Variants in RPS6KA2 observed in about 807,000 individuals in gnomAD.
The protein encoded by RPS6KA2 is ribosomal protein S6 kinase A2.
In RPS6KA2, 42 loss-of-function variants were observed where a neutral mutation model predicts 91.8. The observed-to-expected ratio is 0.46, with a 90% CI of 0.36 to 0.59. The LOEUF is 0.59. RPS6KA2 is among the 20% of genes least tolerant of loss of function. The probability of loss-of-function intolerance (pLI) is 0.00; values close to 1 mark genes in which losing one functional copy is unlikely to be tolerated. For missense variants in RPS6KA2, 798 were observed against 978.5 expected, an observed-to-expected ratio of 0.82 and a Z score of 2.46; for synonymous variants, 414 against 393.6, an observed-to-expected ratio of 1.05 and a Z score of -0.61.
intron 8 of RPS6KA2, among the ~76,000 whole-genome samples, chr6:166,491,394 C>G (rs1229655953): frequency 6.6e-6 from 1 of 152,188 alleles, no homozygotes. Flanking sequence ...CCAACTCCCC[C>G]GGGCACATGC....
chr6:166,597,594 C>A (rs1785582603), intron 1 of RPS6KA2, among the ~76,000 whole-genome samples: 2 of 152,172 alleles, frequency 1.3e-5, no homozygotes, highest in South Asian at 4.1e-4. Flanking sequence ...AAAACGTAAG[C>A]CATTTTGGAA....
chr6:166,412,930 C>T lies in RPS6KA2; in HGVS notation c.2077-43G>A, dbSNP rs772469830. On this transcript the variant is annotated intron_variant, in intron 20 of 20. Coordinates refer to ENST00000265678, the MANE Select transcript of RPS6KA2 (RefSeq NM_021135.6). The surrounding 1 kb of genome is among the most constrained non-coding windows in gnomAD (Gnocchi z 4.3). ...AGGGTGAGAGCCGCGGCGCCTCACT[C>T]CAGGGGTTGAGCCGGAGCCCGGGGC... The T allele has an allele frequency of 8.6e-6, 13 of 1,520,032 alleles. No individual in the cohort carries two copies. Among genetic ancestry groups the T allele is most frequent in the South Asian group, 2.4e-5 (2 of 81,706 alleles). The allele number at this position is 1,520,032 out of a possible 1,614,324, so 94.2% of individuals were successfully genotyped here.
chr6:166,517,176 AAAAACAAAAC>A (rs1227628267), intron 3 of RPS6KA2, among the ~76,000 whole-genome samples: 1 of 152,206 alleles, frequency 6.6e-6, no homozygotes, highest in Non-Finnish European at 1.5e-5. Flanking sequence ...GAATTACTTA[AAAAACAAAAC>A]AAAACAAAAC....
rs949101699 is a variant in RPS6KA2 at position 166,678,660 on chromosome 6, T to C, written c.124-139876A>G. Among the ~76,000 whole-genome samples, 9 of 152,334 alleles carry C rather than the reference T, an allele frequency of 5.9e-5. No individual in the cohort carries two copies. The South Asian group carries it at 1.0e-3, about 18-fold the overall frequency. ...CGTCACCCTCAGAGTTACAGATGACTGTGACTCACGCCTGGAGAAGCAGCA... is the reference window on the plus strand; with the variant it reads ...CGTCACCCTCAGAGTTACAGATGACCGTGACTCACGCCTGGAGAAGCAGCA... On this transcript the variant is annotated intron_variant, in intron 2 of 21. Transcript: ENST00000503859.
In RPS6KA2 at chr6:166,662,292, C is replaced by T. The variant is rs547623460; in HGVS notation, c.124-123508G>A. 1.1e-4 allele frequency among the ~76,000 whole-genome samples: 16 copies of T among 152,152 alleles called. No homozygotes were observed. Among genetic ancestry groups the T allele is most frequent in the East Asian group, 5.8e-4 (3 of 5,186 alleles). On this transcript the variant is annotated intron_variant, in intron 2 of 21. Transcript: ENST00000503859. This position sits in a 1 kb window ranked among gnomAD's most constrained non-coding sequence, Gnocchi z 4.3. ...CCATTGTAAGATTTGGCTGCTATTA[C>T]GGGGTGACAGTCTTTTCAGTAAGGT...
intron 2 of RPS6KA2, among the ~76,000 whole-genome samples, chr6:166,771,232 A>G (rs137961072): frequency 0.01 from 1,580 of 152,330 alleles, 22 homozygotes; most frequent in African/African-American, 0.036. Flanking sequence ...CCATATGCAC[A>G]GCATTTATCT....
chr6:166,628,062 G>C (rs1284691443), upstream of RPS6KA2: 1 of 152,208 alleles, frequency 6.6e-6, no homozygotes, highest in Non-Finnish European at 1.5e-5. Flanking sequence ...CTCCGCAGCC[G>C]GTCCCGCTCT....
In RPS6KA2 at chr6:166,723,908, C is replaced by T. The variant is rs574933374; in HGVS notation, c.123+134292G>A. Reference sequence around the variant, plus strand: ...AGAGATGGGGTTTCTCCATGTTGGCCAGGCTGGCCTCGAACTCCTGACCTC... The same window carrying T: ...AGAGATGGGGTTTCTCCATGTTGGCTAGGCTGGCCTCGAACTCCTGACCTC... On this transcript the variant is annotated intron_variant, in intron 2 of 21. Transcript: ENST00000503859. Among the ~76,000 whole-genome samples, 125 of 152,216 alleles carry T rather than the reference C, an allele frequency of 8.2e-4. 1 individual carries two copies. Among genetic ancestry groups the T allele is most frequent in the African/African-American group, 2.8e-3 (118 of 41,510 alleles).
Position 166,459,370 on chromosome 6 carries a change from A to T in RPS6KA2, c.1075+79T>A. On this transcript the variant is annotated intron_variant, in intron 12 of 20. Transcript: ENST00000265678. The surrounding 1 kb of genome is among the most constrained non-coding windows in gnomAD (Gnocchi z 4.9). ...ATGAAAAGAATTCTGAGGCATGGGAATTTCTTGTTCCTAGATATCTGTCTC... is the reference window on the plus strand; with the variant it reads ...ATGAAAAGAATTCTGAGGCATGGGATTTTCTTGTTCCTAGATATCTGTCTC... The T allele has an allele frequency of 1.2e-6, 1 of 836,616 alleles. No individual in the cohort carries two copies. Among genetic ancestry groups the T allele is most frequent in the Non-Finnish European group, 1.9e-6 (1 of 515,136 alleles). 51.8% of individuals were successfully genotyped at this position (836,616 alleles called of 1,614,324 possible). A position where few individuals can be genotyped will look rare whatever the true frequency, so the allele number is the denominator to read the frequency against.
In RPS6KA2 at chr6:166,445,055, C is replaced by CA. The variant is rs1779634922; in HGVS notation, c.1332+3668dup. On this transcript the variant is annotated intron_variant, in intron 14 of 20. Coordinates refer to ENST00000265678, the MANE Select transcript of RPS6KA2 (RefSeq NM_021135.6). This position sits in a 1 kb window ranked among gnomAD's most constrained non-coding sequence, Gnocchi z 4.5. ...TTATGGTGGCAAAATTAGAAACCTGCAAAAATGCAGAAATAACTTAAAGCA... is the reference window on the plus strand; with the variant it reads ...TTATGGTGGCAAAATTAGAAACCTGCAAAAAATGCAGAAATAACTTAAAGCA... Among the ~76,000 whole-genome samples, 1 of 152,210 alleles carries CA rather than the reference C, an allele frequency of 6.6e-6. No individual in the cohort carries two copies. Among genetic ancestry groups the CA allele is most frequent in the East Asian group, 1.9e-4 (1 of 5,180 alleles).
intron 2 of RPS6KA2, among the ~76,000 whole-genome samples, chr6:166,694,537 C>T (rs960247579): frequency 3.3e-5 from 5 of 152,208 alleles, no homozygotes; most frequent in South Asian, 2.1e-4. Flanking sequence ...CAGAAGAGTT[C>T]GTCTAACACT....
At chr6:166,757,430 C>G (rs1778046368) in intron 2 of RPS6KA2, 5 of 442,664 alleles carry the variant, frequency 1.1e-5, no homozygotes, top group South Asian at 8.0e-5. Flanking sequence ...CAGCTTGCCC[C>G]TGGCCGCCCA....
intron 2 of RPS6KA2, among the ~76,000 whole-genome samples, chr6:166,780,662 A>T (rs976530258): frequency 2.6e-5 from 4 of 152,268 alleles, no homozygotes; most frequent in Non-Finnish European, 2.9e-5. Context: ...GAGGGGTCAG[A>T]CTTGAAATAT....
rs1194289908 is a variant in RPS6KA2, at chr6:166,448,057, A to C, written c.1332+667T>G. Among the ~76,000 whole-genome samples, 2 of 152,242 alleles carry C rather than the reference A, an allele frequency of 1.3e-5. No homozygotes were observed. The highest frequency in any genetic ancestry group is 4.8e-5 in the African/African-American group (2 of 41,462). ...AGAAACTGGTATTCTGGATTCCCAG[A>C]TCAAATATTTAAGCAGCAACAATTA... On this transcript the variant is annotated intron_variant, in intron 14 of 20. Coordinates refer to ENST00000265678, the MANE Select transcript of RPS6KA2 (RefSeq NM_021135.6). The surrounding 1 kb of genome is among the most constrained non-coding windows in gnomAD (Gnocchi z 4.7).
intron 2 of RPS6KA2, among the ~76,000 whole-genome samples, chr6:166,828,870 A>G (rs1169456270): frequency 6.6e-6 from 1 of 151,838 alleles, no homozygotes; most frequent in Non-Finnish European, 1.5e-5. Flanking sequence ...AAAAGACACA[A>G]TTAACAAGAT....
chr6:166,672,614 A>G (rs1190823413), intron 2 of RPS6KA2, among the ~76,000 whole-genome samples: 1 of 152,232 alleles, frequency 6.6e-6, no homozygotes, highest in African/African-American at 2.4e-5. Context: ...ATAGTAAGAA[A>G]AAAATGCTTA....
chr6:166,757,634 A>G (rs1018927599), intron 2 of RPS6KA2: 2 of 453,888 alleles, frequency 4.4e-6, no homozygotes, highest in Middle Eastern at 7.1e-4. Context: ...CCATTCTGCC[A>G]GGGCAGCCGC....
chr6:166,480,895 A>G (rs984465744), intron 10 of RPS6KA2, among the ~76,000 whole-genome samples: 8 of 152,162 alleles, frequency 5.3e-5, no homozygotes, highest in African/African-American at 1.9e-4. Context: ...GCTGATCCAC[A>G]CGCCTCGGCT....
chr6:166,642,981 C>T (rs1787492149), intron 2 of RPS6KA2, among the ~76,000 whole-genome samples: 1 of 152,220 alleles, frequency 6.6e-6, no homozygotes, highest in African/African-American at 2.4e-5. Context: ...GTTCCCCAAG[C>T]TCAGCTTTCC....
Sources: allele counts gnomAD v4.1 joint callset (sites outside exome capture counted in the v4.1 genomes callset), GRCh38; gene constraint gnomAD v4.1.1; non-coding constraint Gnocchi (gnomAD v3.1); transcripts MANE v1.5; gene names NCBI Gene and HGNC (gene_info 2026-07-23, HGNC 2026-07-21).